TENM3: variants seen among roughly 807,000 people sequenced by gnomAD.
TENM3 encodes the protein teneurin transmembrane protein 3.
In TENM3, 63 loss-of-function variants were observed where a neutral mutation model predicts 255.1. The ratio of observed to expected loss-of-function variants is 0.25; its 90% CI spans 0.20 to 0.30. The LOEUF is 0.30. TENM3 is among the 10% of genes least tolerant of loss of function. The pLI is 1.00. For missense variants in TENM3, 2,929 were observed against 3,461.1 expected, an observed-to-expected ratio of 0.85 and a Z score of 3.86; for synonymous variants, 1,306 against 1,322.3, an observed-to-expected ratio of 0.99 and a Z score of 0.27.
At chr4:182,257,658 C>G (rs528335548) in intron 1 of TENM3, among the ~76,000 whole-genome samples, 2 of 151,974 alleles carry the variant, frequency 1.3e-5, no homozygotes, top group East Asian at 3.9e-4. Flanking sequence ...GGAAAGGGAC[C>G]GGAATCGCCA....
At chr4:181,454,852 T>G in the TENM3 span, among the ~76,000 whole-genome samples, 3 of 151,944 alleles carry the variant, frequency 2.0e-5, no homozygotes, top group Non-Finnish European at 4.4e-5. Flanking sequence ...TACCTACTTT[T>G]GTATGGTTAG....
intron 3 of TENM3, among the ~76,000 whole-genome samples, chr4:182,405,201 A>G (rs1769476289): frequency 2.6e-5 from 4 of 152,186 alleles, no homozygotes; most frequent in South Asian, 4.1e-4. Context: ...CCATGAGGGA[A>G]AATGAGCTCC....
chr4:181,551,838 A>ATG, the TENM3 span, among the ~76,000 whole-genome samples: 13 of 138,970 alleles, frequency 9.4e-5, no homozygotes, highest in African/African-American at 3.6e-4. Context: ...ATATATGTAT[A>ATG]TGTGTGTGTG....
intron 1 of TENM3, among the ~76,000 whole-genome samples, chr4:182,231,067 G>A (rs1756544821): frequency 6.6e-6 from 1 of 151,368 alleles, no homozygotes; most frequent in Non-Finnish European, 1.5e-5. Context: ...TGACTACCGG[G>A]GCCTCCTTGT....
chr4:182,343,340 G>T (rs907919242), intron 2 of TENM3, among the ~76,000 whole-genome samples: 1 of 152,076 alleles, frequency 6.6e-6, no homozygotes, highest in African/African-American at 2.4e-5. Flanking sequence ...ATGTACAGGA[G>T]ATAAATACTT....
At chr4:181,542,253 C>CT in the TENM3 span, among the ~76,000 whole-genome samples, 1 of 152,054 alleles carries the variant, frequency 6.6e-6, no homozygotes, top group Non-Finnish European at 1.5e-5. Context: ...AAAACGTGAC[C>CT]CAGAAGTGGG....
chr4:181,690,384 C>T, the TENM3 span, among the ~76,000 whole-genome samples: 56,249 of 152,056 alleles, frequency 0.37, 12,755 homozygotes, highest in Non-Finnish European at 0.5. Flanking sequence ...GTGTCACCAC[C>T]AATAACCATT....
chr4:181,969,962 T>C, the TENM3 span, among the ~76,000 whole-genome samples: 161 of 152,340 alleles, frequency 1.1e-3, no homozygotes, highest in African/African-American at 3.7e-3. Context: ...TAAGCAAGGC[T>C]TTGAGAAATA....
chr4:182,271,249 G>A (rs1579971584), intron 1 of TENM3, among the ~76,000 whole-genome samples: 1 of 152,060 alleles, frequency 6.6e-6, no homozygotes, highest in Admixed American at 6.6e-5. Context: ...CTTCTTTCTT[G>A]ACAGTTCAAA....
chr4:182,513,052 A>C (rs1057107950), intron 3 of TENM3, among the ~76,000 whole-genome samples: 11 of 152,178 alleles, frequency 7.2e-5, no homozygotes, highest in African/African-American at 2.7e-4. Flanking sequence ...TCCCAGTATT[A>C]ATGCTTAGGA....
intron 3 of TENM3, among the ~76,000 whole-genome samples, chr4:182,566,124 G>A (rs1386933204): frequency 6.6e-6 from 1 of 152,124 alleles, no homozygotes; most frequent in Non-Finnish European, 1.5e-5. Flanking sequence ...CTACTTGGAC[G>A]GGTGCTAAGA....
chr4:182,239,099 C>T (rs1472300839), upstream of TENM3, among the ~76,000 whole-genome samples: 7 of 142,274 alleles, frequency 4.9e-5, no homozygotes, highest in South Asian at 2.2e-4. Context: ...TTTTTTGAGA[C>T]GGCGTCTCGC....
At chr4:182,279,175 T>A (rs1760206386) in intron 1 of TENM3, among the ~76,000 whole-genome samples, 1 of 152,220 alleles carries the variant, frequency 6.6e-6, no homozygotes, top group African/African-American at 2.4e-5. Context: ...GTGTCTTTAT[T>A]TGCTTTAGCT....
chr4:182,539,278 A>G (rs1184982211), intron 3 of TENM3, among the ~76,000 whole-genome samples: 6 of 151,704 alleles, frequency 4.0e-5, no homozygotes, highest in Admixed American at 3.3e-4. Flanking sequence ...GTGGTGTAGA[A>G]AACCATCAAA....
At chr4:181,680,456 C>T in the TENM3 span, among the ~76,000 whole-genome samples, 118,114 of 152,058 alleles carry the variant, frequency 0.78, 46,237 homozygotes, top group Admixed American at 0.87. Flanking sequence ...AGTCAAACTA[C>T]AGGTCGATAG....
At chr4:182,038,671 G>A in the TENM3 span, among the ~76,000 whole-genome samples, 3 of 152,176 alleles carry the variant, frequency 2.0e-5, no homozygotes, top group African/African-American at 7.2e-5. Context: ...TTGCGTTCAA[G>A]ACCAATGCAG....
the TENM3 span, among the ~76,000 whole-genome samples, chr4:181,457,416 C>G: frequency 6.6e-6 from 1 of 151,632 alleles, no homozygotes; most frequent in Non-Finnish European, 1.5e-5. Flanking sequence ...CTTCATTATT[C>G]TCTCTCCTTC....
intron 3 of TENM3, among the ~76,000 whole-genome samples, chr4:182,356,199 C>A (rs1370223021): frequency 6.6e-6 from 1 of 152,056 alleles, no homozygotes; most frequent in Non-Finnish European, 1.5e-5. Flanking sequence ...TCAGCAGAGT[C>A]AAAAACTTCC....
the TENM3 span, among the ~76,000 whole-genome samples, chr4:181,452,221 A>G: frequency 1.5e-4 from 23 of 152,344 alleles, no homozygotes; most frequent in East Asian, 3.7e-3. Context: ...AGAATTGACA[A>G]ACACATACAA....
Sources: gnomAD v4.1 joint callset for allele counts (sites outside exome capture counted in the v4.1 genomes callset) on GRCh38, gnomAD v4.1.1 for gene constraint, MANE v1.5 for transcripts, NCBI Gene and HGNC (gene_info 2026-07-23, HGNC 2026-07-21) for gene names.